Variants in CTNNA3 observed in about 807,000 individuals in gnomAD.
The protein encoded by CTNNA3 is catenin alpha-3.
CTNNA3 carries 76 observed loss-of-function variants against 95.7 expected under a neutral mutation model. The observed-to-expected ratio is 0.79, with a 90% CI of 0.66 to 0.96. The LOEUF (loss-of-function observed/expected upper bound fraction) is 0.96, where lower values mean the gene tolerates loss of function less well. Among genes scored for constraint, CTNNA3 ranks in the 40% least tolerant of loss-of-function variants. CTNNA3 has a pLI of 0.00. For synonymous variants in CTNNA3, 431 were observed against 374.4 expected, an observed-to-expected ratio of 1.15 and a Z score of -1.74; for missense variants, 1,191 against 1,089.8, an observed-to-expected ratio of 1.09 and a Z score of -1.31.
At chr10:66,172,742 T>C (rs555654402) in intron 13 of CTNNA3, among the ~76,000 whole-genome samples, 21 of 152,174 alleles carry the variant, frequency 1.4e-4, no homozygotes, top group Non-Finnish European at 3.1e-4. Flanking sequence ...GAATGAACCC[T>C]GGAGCCTGTG....
chr10:66,453,246 C>T (rs1172653996), intron 11 of CTNNA3, among the ~76,000 whole-genome samples: 1 of 151,928 alleles, frequency 6.6e-6, no homozygotes, highest in African/African-American at 2.4e-5. Flanking sequence ...ACTGAGCCTC[C>T]AAATTTTCAG....
At chr10:66,548,639 T>A (rs1004410662) in intron 10 of CTNNA3, among the ~76,000 whole-genome samples, 1 of 152,186 alleles carries the variant, frequency 6.6e-6, no homozygotes, top group African/African-American at 2.4e-5. Flanking sequence ...TTGTCAGATA[T>A]TTTTCTGCAT....
At chr10:66,032,359 ATAAAT>A (rs1175477511) in intron 15 of CTNNA3, among the ~76,000 whole-genome samples, 2 of 152,172 alleles carry the variant, frequency 1.3e-5, no homozygotes, top group Non-Finnish European at 2.9e-5. Context: ...GTGAATTATA[ATAAAT>A]TATAACTATG....
intron 7 of CTNNA3, among the ~76,000 whole-genome samples, chr10:67,040,549 C>A (rs900639944): frequency 6.6e-6 from 1 of 151,980 alleles, no homozygotes; most frequent in African/African-American, 2.4e-5. Context: ...TCCCTTAGTT[C>A]TTATGGATTC....
At chr10:67,589,220 C>T (rs1842724221) in intron 3 of CTNNA3, among the ~76,000 whole-genome samples, 1 of 152,128 alleles carries the variant, frequency 6.6e-6, no homozygotes, top group African/African-American at 2.4e-5. Context: ...TTGCTTTTTC[C>T]TATGTGCCTC....
At chr10:67,043,033 T>C (rs1854502533) in intron 7 of CTNNA3, among the ~76,000 whole-genome samples, 1 of 151,784 alleles carries the variant, frequency 6.6e-6, no homozygotes, top group South Asian at 2.1e-4. Context: ...GAAGAAGTAG[T>C]GTTAAATAGG....
At chr10:67,083,620 T>C (rs190720276) in intron 7 of CTNNA3, among the ~76,000 whole-genome samples, 298 of 152,358 alleles carry the variant, frequency 2.0e-3, no homozygotes, top group Non-Finnish European at 3.3e-3. Flanking sequence ...TAGACAGTGA[T>C]AGCAGTTTCA....
intron 15 of CTNNA3, 143 bp from the exon 16 acceptor site, chr10:65,988,940 T>C (rs564016928): frequency 3.4e-6 from 2 of 593,972 alleles, no homozygotes; most frequent in South Asian, 2.2e-5. Flanking sequence ...ACGGCTATTG[T>C]TTTTGTGATT....
intron 5 of CTNNA3, among the ~76,000 whole-genome samples, chr10:67,311,100 C>A (rs1031272918): frequency 1.3e-5 from 2 of 152,008 alleles, no homozygotes; most frequent in African/African-American, 4.8e-5. Flanking sequence ...ACCTTCTGCG[C>A]CTTAAAAGAG....
intron 5 of CTNNA3, among the ~76,000 whole-genome samples, chr10:67,221,727 A>G (rs1299710612): frequency 6.6e-6 from 1 of 151,894 alleles, no homozygotes; most frequent in Non-Finnish European, 1.5e-5. Context: ...GGCACCCACC[A>G]CCACACCCAG....
chr10:65,942,332 T>A (rs958921541), intron 17 of CTNNA3, among the ~76,000 whole-genome samples: 1 of 152,032 alleles, frequency 6.6e-6, no homozygotes, highest in African/African-American at 2.4e-5. Flanking sequence ...ATCGAGACCA[T>A]CCTGGCCAAC....
intron 11 of CTNNA3, among the ~76,000 whole-genome samples, chr10:66,396,508 A>G (rs998850466): frequency 1.3e-5 from 2 of 152,048 alleles, no homozygotes; most frequent in African/African-American, 4.8e-5. Flanking sequence ...CATGAAAGTG[A>G]CACCTTAGGC....
chr10:67,138,987 T>C (rs1158310976), intron 7 of CTNNA3, among the ~76,000 whole-genome samples: 6 of 152,166 alleles, frequency 3.9e-5, no homozygotes, highest in Admixed American at 1.3e-4. Flanking sequence ...ATCTGTTTAA[T>C]ATAAATACAA....
intron 13 of CTNNA3, among the ~76,000 whole-genome samples, chr10:66,272,700 T>C (rs2091308067): frequency 6.6e-6 from 1 of 152,150 alleles, no homozygotes; most frequent in Admixed American, 6.6e-5. Flanking sequence ...CATACATATA[T>C]ATACTCATCC....
At chr10:66,632,752 A>G (rs898273152) in intron 9 of CTNNA3, among the ~76,000 whole-genome samples, 2 of 152,010 alleles carry the variant, frequency 1.3e-5, no homozygotes, top group African/African-American at 4.8e-5. Context: ...TTAAATGTCA[A>G]AATATTGAAA....
rs559417600 is a variant in CTNNA3 at position 66,950,779 on chromosome 10, C to T, written c.1048-175255G>A. Among the ~76,000 whole-genome samples, 7 of 152,200 alleles carry T rather than the reference C, an allele frequency of 4.6e-5. No homozygotes were observed. The South Asian group carries it at 1.5e-3, about 32-fold the overall frequency. ...TTTAATCCTTACAAAAACAAAAAAG[C>T]ATGAGTTCATATAAGGGCCACACTG... On this transcript the variant is annotated intron_variant, in intron 7 of 17. Coordinates refer to ENST00000433211, the MANE Select transcript of CTNNA3 (RefSeq NM_013266.4).
intron 13 of CTNNA3, among the ~76,000 whole-genome samples, chr10:66,171,720 TG>T (rs767244937): frequency 6.6e-6 from 1 of 152,112 alleles, no homozygotes; most frequent in Non-Finnish European, 1.5e-5. Context: ...CGAGCAGTAC[TG>T]GTTCTAATGA....
chr10:67,053,285 A>G (rs947370238), intron 7 of CTNNA3, among the ~76,000 whole-genome samples: 21 of 152,188 alleles, frequency 1.4e-4, no homozygotes, highest in African/African-American at 4.6e-4. Context: ...TTAGAACACT[A>G]TACAAATACA....
intron 12 of CTNNA3, among the ~76,000 whole-genome samples, chr10:66,324,754 C>T (rs965669201): frequency 2.6e-5 from 4 of 152,004 alleles, no homozygotes; most frequent in East Asian, 3.9e-4. Flanking sequence ...TCATTTAACC[C>T]GATGCATGCC....
Sources: gnomAD v4.1 joint callset for allele counts (sites outside exome capture counted in the v4.1 genomes callset) on GRCh38, gnomAD v4.1.1 for gene constraint, MANE v1.5 for transcripts, NCBI Gene and HGNC (gene_info 2026-07-23, HGNC 2026-07-21) for gene names.